The following ALX4 variants were observed in gnomAD, a reference collection of about 807,000 sequenced individuals.
ALX4 encodes the protein ALX homeobox 4.
A neutral mutation model predicts 40.6 loss-of-function variants in ALX4; 22 were observed. The observed-to-expected ratio is 0.54, with a 90% CI of 0.39 to 0.77. The LOEUF (loss-of-function observed/expected upper bound fraction) is 0.77, where lower values mean the gene tolerates loss of function less well. Among genes scored for constraint, ALX4 ranks in the 30% least tolerant of loss-of-function variants. The probability of loss-of-function intolerance (pLI) is 0.00; values close to 1 mark genes in which losing one functional copy is unlikely to be tolerated. For synonymous variants in ALX4, 266 were observed against 240.5 expected (o/e 1.11, Z -0.98); for missense variants, 556 against 564.8 (o/e 0.98, Z 0.16).
chr11:44,292,307 G>A (rs889914996), intron 1 of ALX4, among the ~76,000 whole-genome samples: 7 of 151,100 alleles, frequency 4.6e-5, no homozygotes, highest in African/African-American at 1.5e-4. Context: ...CTGGGCTCAA[G>A]CAATCCTCCC....
rs778373738 is a variant in ALX4, at chr11:44,267,518, G to T, written c.882C>A (p.Leu294=). The change falls in exon 3 of 4, where the codon CTC becomes CTA. Residue 294 remains leucine, a synonymous_variant. Coordinates refer to ENST00000652299, the MANE Select transcript of ALX4 (RefSeq NM_021926.4). ...HFSTAYELPL[L]TRAENYAQIQ... is the part of the protein sequence containing the mutation. ...CCTGGGCGTAGTTCTCAGCTCGGGT[G>T]AGGAGGGGCAGCTCATATGCAGTGG... 1 of 1,614,190 alleles carries T rather than the reference G, an allele frequency of 6.2e-7. No homozygotes were observed. The highest frequency in any genetic ancestry group is 1.1e-5 in the South Asian group (1 of 91,076).
rs373589363 is a variant in ALX4, at chr11:44,267,500, G to A, written c.900C>T (p.Tyr300=). The A allele has an allele frequency of 6.2e-6, 10 of 1,613,968 alleles. No homozygotes were observed. In the African/African-American group the frequency reaches 8.0e-5, roughly 13 times the overall value. Residue 300 remains tyrosine (Y), a synonymous_variant, in exon 3 of 4, where the codon TAC becomes TAT. Transcript: ENST00000652299. ...AGCTCAGGGCGGGACTTACCTGGGC[G>A]TAGTTCTCAGCTCGGGTGAGGAGGG... The part of the protein sequence containing the change: ...ELPLLTRAEN[Y]AQIQNPSWLG...
At chr11:44,278,453 G>A (rs942820416) in intron 1 of ALX4, among the ~76,000 whole-genome samples, 3 of 152,180 alleles carry the variant, frequency 2.0e-5, no homozygotes, top group African/African-American at 7.2e-5. Context: ...CATCTTGTGG[G>A]GGGCAGGACC....
At chr11:44,293,014 G>T (rs1956379160) in intron 1 of ALX4, among the ~76,000 whole-genome samples, 1 of 151,800 alleles carries the variant, frequency 6.6e-6, no homozygotes, top group African/African-American at 2.4e-5. Flanking sequence ...CAGGAGAACT[G>T]CTTGAGCCCA....
chr11:44,308,774 T>G (rs771752327), intron 1 of ALX4, among the ~76,000 whole-genome samples: 19 of 152,334 alleles, frequency 1.2e-4, no homozygotes, highest in Middle Eastern at 3.4e-3. Context: ...CCTTCTCTCT[T>G]GCCACAGCTC....
chr11:44,275,775 C>G (rs932389281), intron 1 of ALX4, 117 bp from the exon 2 acceptor site: 2 of 979,102 alleles, frequency 2.0e-6, no homozygotes, highest in African/African-American at 1.6e-5. Flanking sequence ...CCTCTTAGAG[C>G]TCATTGGATG....
intron 3 of ALX4, among the ~76,000 whole-genome samples, chr11:44,266,934 G>C (rs1956216894): frequency 2.6e-5 from 4 of 152,188 alleles, no homozygotes; most frequent in Non-Finnish European, 5.9e-5. Context: ...ACTTTTGCAT[G>C]ATTGAATTTA....
In ALX4 at chr11:44,310,045, G is replaced by GC. The variant is rs772754759; in HGVS notation, c.17dup (p.Cys6TrpfsTer30). ...CGGCCGGCGACTCGCAGTAAGAGAC[G>GC]CAAGTCTCAGCATTCATGCCTGGCT... On this transcript the variant is annotated frameshift_variant, in exon 1 of 4. Transcript: ENST00000652299. LOFTEE classifies it high-confidence loss of function. 21 of 1,597,384 alleles carry GC rather than the reference G, an allele frequency of 1.3e-5. No homozygotes were observed. The highest frequency in any genetic ancestry group is 1.6e-5 in the Non-Finnish European group (19 of 1,172,214).
chr11:44,270,317 T>C (rs1956238135), intron 2 of ALX4, among the ~76,000 whole-genome samples: 1 of 151,776 alleles, frequency 6.6e-6, no homozygotes, highest in Non-Finnish European at 1.5e-5. Flanking sequence ...GAGGGATTTA[T>C]TTGAGGGCTG....
intron 2 of ALX4, among the ~76,000 whole-genome samples, chr11:44,272,576 C>T (rs1476584217): frequency 6.6e-6 from 1 of 151,456 alleles, no homozygotes; most frequent in Non-Finnish European, 1.5e-5. Context: ...GAGACCAAAG[C>T]AGGTGCACCA....
intron 1 of ALX4, 40 bp downstream of exon 1, chr11:44,309,557 C>A: frequency 6.5e-7 from 1 of 1,544,918 alleles, no homozygotes; most frequent in Non-Finnish European, 8.7e-7. Context: ...GCCAAGCACC[C>A]CGTGGTCCCC....
chr11:44,299,914 G>C (rs894747920), intron 1 of ALX4, among the ~76,000 whole-genome samples: 2 of 152,214 alleles, frequency 1.3e-5, no homozygotes, highest in Non-Finnish European at 2.9e-5. Context: ...TTGTGATGGT[G>C]ATTAAGTGAA....
chr11:44,290,584 T>C (rs1233851824), intron 1 of ALX4, among the ~76,000 whole-genome samples: 1 of 152,224 alleles, frequency 6.6e-6, no homozygotes, highest in Non-Finnish European at 1.5e-5. Context: ...GGAGGTGTTT[T>C]GAAGCAGCAA....
chr11:44,297,415 G>A (rs1590702010), intron 1 of ALX4, among the ~76,000 whole-genome samples: 2 of 152,096 alleles, frequency 1.3e-5, no homozygotes, highest in African/African-American at 4.8e-5. Context: ...GAACCCTTTG[G>A]TAGAAAATAA....
rs1414620296 is a variant in ALX4, at chr11:44,262,052, T to TGA, written c.*2800_*2801dup. The TGA allele has an allele frequency of 1.3e-5, 2 of 152,276 alleles. No homozygotes were observed. Among genetic ancestry groups the TGA allele is most frequent in the African/African-American group, 4.8e-5 (2 of 41,464 alleles). 9.4% of individuals were successfully genotyped at this position (152,276 alleles called of 1,614,324 possible). On this transcript the variant is annotated 3_prime_UTR_variant, in exon 4 of 4. Transcript: ENST00000652299. ...AACTGAGCTGCTGAGTGAATGCCCATGAGGCATTGGAGAGGGGAGCTCCAT... is the reference window on the plus strand; with the variant it reads ...AACTGAGCTGCTGAGTGAATGCCCATGAGAGGCATTGGAGAGGGGAGCTCCAT...
chr11:44,275,141 A>G (rs924478317), intron 2 of ALX4, among the ~76,000 whole-genome samples: 5 of 152,138 alleles, frequency 3.3e-5, no homozygotes, highest in African/African-American at 1.2e-4. Flanking sequence ...CAGAAGCCCA[A>G]TATTAAAGAG....
At position 44,309,999 on chromosome 11, in the gene ALX4, T is replaced by C. The variant is rs940008482; in HGVS notation, c.64A>G (p.Ser22Gly). ...CCCTCCCGACTCTGCGACACCGGGC[T>C]GTAGTAGGCGTCCATGGCAGCGGCC... ...SPAAAMDAYY[S>G]PVSQSREGSS... Residue 22 changes from serine to glycine, a missense_variant, in exon 1 of 4, where the codon AGC becomes GGC. Ser to Gly is a moderately conservative substitution (Grantham distance 56). Coordinates refer to ENST00000652299, the MANE Select transcript of ALX4 (RefSeq NM_021926.4). 6.2e-7 allele frequency: 1 copy of C among 1,603,582 alleles called. No individual in the cohort carries two copies. Among genetic ancestry groups the C allele is most frequent in the East Asian group, 2.2e-5 (1 of 44,478 alleles).
rs1956371171 is a variant in ALX4, at chr11:44,291,835, T to C, written c.467-16177A>G. ...TAATTTTTATTTATGTATTTATTTA[T>C]AGAGACGGAGTCTCGCTCTGTCACC... On this transcript the variant is annotated intron_variant, in intron 1 of 3. Coordinates refer to ENST00000652299, the MANE Select transcript of ALX4 (RefSeq NM_021926.4). 4.6e-5 allele frequency among the ~76,000 whole-genome samples: 7 copies of C among 152,230 alleles called. No individual in the cohort carries two copies. The South Asian group carries it at 1.4e-3, about 32-fold the overall frequency.
At chr11:44,299,775 T>G (rs1023031956) in intron 1 of ALX4, among the ~76,000 whole-genome samples, 21 of 152,194 alleles carry the variant, frequency 1.4e-4, no homozygotes, top group Admixed American at 6.5e-5. Context: ...TTAGGTTTCT[T>G]GGAGCCCTCG....
Sources: allele counts gnomAD v4.1 joint callset (sites outside exome capture counted in the v4.1 genomes callset), GRCh38; gene constraint gnomAD v4.1.1; transcripts MANE v1.5; gene names NCBI Gene and HGNC (gene_info 2026-07-23, HGNC 2026-07-21).